Variants in TJP2 observed in about 807,000 individuals in gnomAD.
The protein encoded by TJP2 is tight junction protein 2.
A neutral mutation model predicts 133.1 loss-of-function variants in TJP2; 91 were observed. The observed-to-expected ratio is 0.68, with a 90% confidence interval of 0.58 to 0.81. The LOEUF (loss-of-function observed/expected upper bound fraction) is 0.81, where lower values mean the gene tolerates loss of function less well. TJP2 is among the 40% of genes least tolerant of loss of function. TJP2 has a pLI of 0.00. For missense variants in TJP2, 1,541 were observed against 1,565.6 expected, an observed-to-expected ratio of 0.98 and a Z score of 0.26; for synonymous variants, 592 against 583.4, an observed-to-expected ratio of 1.01 and a Z score of -0.21.
At chr9:69,166,178 T>A (rs1385108971) in intron 2 of TJP2, among the ~76,000 whole-genome samples, 2 of 152,098 alleles carry the variant, frequency 1.3e-5, no homozygotes, top group African/African-American at 4.8e-5. Flanking sequence ...AGTGGTACGA[T>A]CTCGGCTAGG....
chr9:69,122,498 T>A lies in TJP2; in HGVS notation c.-131+773T>A, dbSNP rs11145355. Reference sequence around the variant, plus strand: ...AAACAACAAAAAAATTTTCACTTTCTGACCCATTTGTAAGGGAGGGGCCGA... The same window carrying A: ...AAACAACAAAAAAATTTTCACTTTCAGACCCATTTGTAAGGGAGGGGCCGA... On this transcript the variant is annotated intron_variant, in intron 1 of 5. Transcript: ENST00000423935. 7.4e-3 allele frequency among the ~76,000 whole-genome samples: 1,123 copies of A among 152,330 alleles called. 35 individuals are homozygous for A. Among genetic ancestry groups the A allele is most frequent in the East Asian group, 0.072 (372 of 5,178 alleles).
intron 1 of TJP2, among the ~76,000 whole-genome samples, chr9:69,207,947 T>C (rs938294428): frequency 2.6e-5 from 4 of 152,226 alleles, no homozygotes; most frequent in Admixed American, 1.3e-4. Flanking sequence ...GTTTGCTCTT[T>C]GGGTACACTT....
chr9:69,229,443 TGAAC>T (rs1173601593), intron 10 of TJP2, among the ~76,000 whole-genome samples, 193 bp downstream of exon 10: 57 of 152,284 alleles, frequency 3.7e-4, no homozygotes, highest in Non-Finnish European at 6.2e-4. Context: ...CGGAAGTGGG[TGAAC>T]TTTGTGATGT....
intron 16 of TJP2, among the ~76,000 whole-genome samples, chr9:69,239,352 G>T (rs1284763852): frequency 6.6e-6 from 1 of 151,924 alleles, no homozygotes; most frequent in Non-Finnish European, 1.5e-5. Context: ...CCATTTCACT[G>T]TGTGGAAACC....
Position 69,230,114 on chromosome 9 carries a change from G to C in TJP2, c.1553G>C (p.Gly518Ala). 6.2e-7 allele frequency: 1 copy of C among 1,614,192 alleles called. No individual in the cohort carries two copies. Among genetic ancestry groups the C allele is most frequent in the Non-Finnish European group, 8.5e-7 (1 of 1,180,032 alleles). ...ACCAAAATGGTAAGGTTCAAGAAGGGAGACAGCGTGGGCCTCCGGTTGGCT... is the reference window on the plus strand; with the variant it reads ...ACCAAAATGGTAAGGTTCAAGAAGGCAGACAGCGTGGGCCTCCGGTTGGCT... The part of the protein sequence containing the change: ...PNTKMVRFKK[G>A]DSVGLRLAGG... The change falls in exon 11 of 23, where the codon GGA (glycine) becomes GCA (alanine). Residue 518 changes from glycine to alanine, a missense_variant. By Grantham distance (60) the Gly-to-Ala change is moderately conservative. Coordinates refer to ENST00000377245, the MANE Select transcript of TJP2 (RefSeq NM_004817.4).
upstream of TJP2, among the ~76,000 whole-genome samples, chr9:69,172,052 C>T (rs1304226050): frequency 6.6e-6 from 1 of 152,206 alleles, no homozygotes; most frequent in East Asian, 1.9e-4. Context: ...GCCTCGACCT[C>T]CCAAAGTGCT....
At chr9:69,194,867 G>A (rs568121397) in intron 1 of TJP2, among the ~76,000 whole-genome samples, 1 of 152,178 alleles carries the variant, frequency 6.6e-6, no homozygotes, top group African/African-American at 2.4e-5. Context: ...AAAGGGTGGG[G>A]TTCTTGCCTT....
chr9:69,231,563 A>G (rs1184325780), intron 11 of TJP2, among the ~76,000 whole-genome samples: 1 of 152,096 alleles, frequency 6.6e-6, no homozygotes, highest in African/African-American at 2.4e-5. Context: ...AAAGTTCTAG[A>G]ATTCTCAAGG....
At position 69,236,935 on chromosome 9, in the gene TJP2, TG is replaced by T; in HGVS notation, c.1992-12del. 6.2e-7 allele frequency: 1 copy of T among 1,614,138 alleles called. No individual in the cohort carries two copies. Among genetic ancestry groups the T allele is most frequent in the South Asian group, 1.1e-5 (1 of 91,086 alleles). The stretch of plus-strand genomic sequence containing the variant: ...TCTGGCTTTAGAGATTTACTTCCCG[TG>T]GTTTCTTCTCAGAGCTGAACAAATG... On this transcript the variant is annotated splice_polypyrimidine_tract_variant and intron_variant, in intron 13 of 22. Transcript: ENST00000377245.
rs187388465 is a variant in TJP2 at position 69,144,383 on chromosome 9, C to G, written c.-130-7268C>G. ...GGTTTGGGACACTCACTTTGGACAT[C>G]TAGGTTAATCAGAGTTACTGCATAA... is the stretch of plus-strand genomic sequence containing the variant. On this transcript the variant is annotated intron_variant, in intron 1 of 5. Transcript: ENST00000423935. Among the ~76,000 whole-genome samples the G allele has an allele frequency of 3.9e-5, 6 of 152,218 alleles. No individual in the cohort carries two copies. The East Asian group carries it at 1.2e-3, about 29-fold the overall frequency.
intron 7 of TJP2, among the ~76,000 whole-genome samples, chr9:69,227,217 C>T (rs1303001756): frequency 6.6e-6 from 1 of 151,874 alleles, no homozygotes; most frequent in African/African-American, 2.4e-5. Flanking sequence ...GTTACGGGTG[C>T]AGTGCAGGAA....
chr9:69,182,719 C>T (rs572691917), intron 1 of TJP2, among the ~76,000 whole-genome samples: 99 of 151,216 alleles, frequency 6.5e-4, no homozygotes, highest in Non-Finnish European at 1.1e-3. Context: ...TTATCAATTT[C>T]GTTGAATTTA....
Position 69,215,279 on chromosome 9 carries a change from A to G in TJP2, c.115-1060A>G, listed in dbSNP as rs537016417. On this transcript the variant is annotated intron_variant, in intron 2 of 22. Transcript: ENST00000377245. ...CAAACCTCAGCATCAGACAATACAC[A>G]TATATAACAAACCTGCACATGTACT... Among the ~76,000 whole-genome samples, 381 of 152,142 alleles carry G rather than the reference A, an allele frequency of 2.5e-3. 1 individual carries two copies. The highest frequency in any genetic ancestry group is 4.8e-3 in the Admixed American group (74 of 15,280).
intron 1 of TJP2, among the ~76,000 whole-genome samples, chr9:69,188,214 G>A (rs1825981207): frequency 6.6e-6 from 1 of 152,188 alleles, no homozygotes; most frequent in African/African-American, 2.4e-5. Flanking sequence ...ACCACGTTTG[G>A]TTAGCTTTTC....
chr9:69,163,754 G>C (rs1374672469), intron 2 of TJP2, among the ~76,000 whole-genome samples: 1 of 152,120 alleles, frequency 6.6e-6, no homozygotes, highest in African/African-American at 2.4e-5. Flanking sequence ...GATTACAGGC[G>C]TGCGTGAGCT....
intron 15 of TJP2, among the ~76,000 whole-genome samples, chr9:69,238,281 G>T (rs982837837): frequency 2.0e-5 from 3 of 152,162 alleles, no homozygotes; most frequent in Non-Finnish European, 4.4e-5. Context: ...AGCCAAGAAA[G>T]GTAACATTGA....
chr9:69,171,789 A>ATTTTT (rs34717893), upstream of TJP2, among the ~76,000 whole-genome samples: 873 of 86,728 alleles, frequency 0.01, 25 homozygotes, highest in Non-Finnish European at 0.012. Context: ...GAGTAGAAGA[A>ATTTTT]TTTTTTTTTT....
chr9:69,181,723 G>GTGTT (rs1331648032), intron 1 of TJP2, among the ~76,000 whole-genome samples: 1 of 151,960 alleles, frequency 6.6e-6, no homozygotes, highest in Non-Finnish European at 1.5e-5. Context: ...AACTACGTTT[G>GTGTT]TGTTTGCTTG....
intron 1 of TJP2, among the ~76,000 whole-genome samples, chr9:69,138,055 C>T (rs756735242): frequency 2.6e-5 from 4 of 152,136 alleles, no homozygotes; most frequent in Non-Finnish European, 4.4e-5. Context: ...CTGGCCTCAT[C>T]GTTCTGCCTG....
Sources: allele counts gnomAD v4.1 joint callset (sites outside exome capture counted in the v4.1 genomes callset), GRCh38; gene constraint gnomAD v4.1.1; transcripts MANE v1.5; gene names NCBI Gene and HGNC (gene_info 2026-07-23, HGNC 2026-07-21).